The following NUP133 variants were observed in gnomAD, a reference collection of about 807,000 sequenced individuals.
NUP133 encodes nuclear pore complex protein Nup133.
NUP133 carries 66 observed loss-of-function variants against 146.2 expected under a neutral mutation model. That is an observed-to-expected ratio of 0.45 (90% CI 0.37 to 0.55). NUP133 has a LOEUF of 0.55. Among genes scored for constraint, NUP133 ranks in the 20% least tolerant of loss-of-function variants. NUP133 has a pLI of 0.00. For synonymous variants in NUP133, 521 were observed against 498.8 expected (o/e 1.04, Z -0.59); for missense variants, 1,277 against 1,374.8 (o/e 0.93, Z 1.12).
chr1:229,488,765 G>GA, intron 9 of NUP133, among the ~76,000 whole-genome samples: 1 of 152,122 alleles, frequency 6.6e-6, no homozygotes, highest in African/African-American at 2.4e-5. Context: ...TTGAGACCAG[G>GA]AGTTGGAGGC....
intron 23 of NUP133, among the ~76,000 whole-genome samples, chr1:229,449,873 A>ATATATATATATATATATATATATT (rs1261799272): frequency 1.2e-5 from 1 of 85,798 alleles, no homozygotes; most frequent in African/African-American, 5.1e-5. Context: ...ATATATATAT[A>ATATATATATATATATATATATATT]TTTTTTTTTT....
In NUP133 at chr1:229,464,698, G is replaced by A; in HGVS notation, c.2477C>T (p.Ser826Phe). The change falls in exon 18 of 26, where the codon TCC (serine) becomes TTC (phenylalanine). Residue 826 changes from serine to phenylalanine, a missense_variant. Coordinates refer to ENST00000261396, the MANE Select transcript of NUP133 (RefSeq NM_018230.3). ...ATTGTCATATCTTTCCCGATTACTG[G>A]ATTTATCCACAGACTTAAGCTGAGA... ...YVSQLKSVDK[S>F]SNRERYDNLE... 6.2e-7 allele frequency: 1 copy of A among 1,614,102 alleles called. No individual in the cohort carries two copies.
chr1:229,446,544 A>G (rs1240726676), intron 24 of NUP133, among the ~76,000 whole-genome samples: 2 of 151,990 alleles, frequency 1.3e-5, no homozygotes, highest in African/African-American at 4.8e-5. Flanking sequence ...CCTGGCTAAC[A>G]AAGTGAAACC....
rs767894437 is a variant in NUP133 at position 229,463,597 on chromosome 1, C to T, written c.2631G>A (p.Glu877=). 7.4e-6 allele frequency: 12 copies of T among 1,613,978 alleles called. No individual in the cohort carries two copies. The highest frequency in any genetic ancestry group is 9.3e-6 in the Non-Finnish European group (11 of 1,180,012). The change falls in exon 19 of 26, where the codon GAG becomes GAA. Residue 877 remains glutamate, a synonymous_variant. Coordinates refer to ENST00000261396, the MANE Select transcript of NUP133 (RefSeq NM_018230.3). Reference sequence around the variant, plus strand: ...GGAGTCGGCTCTGGTTGTCAGTCTGCTCACACATTTGTACCAATATATCAA... The same window carrying T: ...GGAGTCGGCTCTGGTTGTCAGTCTGTTCACACATTTGTACCAATATATCAA... ...CDFDILVQMC[E]QTDNQSRLQR...
At chr1:229,454,742 C>A (rs1205670423) in intron 21 of NUP133, among the ~76,000 whole-genome samples, 1 of 152,132 alleles carries the variant, frequency 6.6e-6, no homozygotes, top group Non-Finnish European at 1.5e-5. Flanking sequence ...GGTTAAAATG[C>A]TTTGATTAAC....
Position 229,508,217 on chromosome 1 carries a change from C to T in NUP133, c.33G>A (p.Pro11=). The T allele has an allele frequency of 6.5e-7, 1 of 1,548,246 alleles. No homozygotes were observed. The highest frequency in any genetic ancestry group is 8.7e-7 in the Non-Finnish European group (1 of 1,150,594). ...GCGGGCCCCTTCGGGACCCGGTACCCGGGGTCCGCGGAGAAGGGGCGGCTG... is the reference window on the plus strand; with the variant it reads ...GCGGGCCCCTTCGGGACCCGGTACCTGGGGTCCGCGGAGAAGGGGCGGCTG... MFPAAPSPRT[P]GTGSRRGPLA... is the part of the protein sequence containing the mutation. The change falls in exon 1 of 26, where the codon CCG becomes CCA. Residue 11 remains proline, a synonymous_variant. Transcript: ENST00000261396.
intron 15 of NUP133, among the ~76,000 whole-genome samples, chr1:229,469,344 T>C (rs1660901236): frequency 6.6e-6 from 1 of 152,222 alleles, no homozygotes; most frequent in South Asian, 2.1e-4. Flanking sequence ...ATTTCCACAA[T>C]GTCCAGCTGC....
chr1:229,502,734 G>C (rs1349511061), intron 2 of NUP133, among the ~76,000 whole-genome samples: 1 of 151,264 alleles, frequency 6.6e-6, no homozygotes, highest in Non-Finnish European at 1.5e-5. Flanking sequence ...CCAATATTTT[G>C]GGAGGCCACC....
intron 17 of NUP133, 98 bp from the exon 18 acceptor site, chr1:229,464,973 T>C: frequency 7.1e-7 from 1 of 1,401,414 alleles, no homozygotes; most frequent in Non-Finnish European, 9.9e-7. Flanking sequence ...TCATCACTGC[T>C]GGAAAATTAC....
chr1:229,489,115 T>C (rs558827256), intron 9 of NUP133, among the ~76,000 whole-genome samples: 1 of 152,316 alleles, frequency 6.6e-6, no homozygotes, highest in Admixed American at 6.5e-5. Flanking sequence ...AACCAAACCC[T>C]AATTCCTACC....
intron 10 of NUP133, among the ~76,000 whole-genome samples, 195 bp downstream of exon 10, chr1:229,487,271 A>G (rs1661377413): frequency 6.6e-6 from 1 of 152,138 alleles, no homozygotes; most frequent in Non-Finnish European, 1.5e-5. Flanking sequence ...GTCTGTAAAT[A>G]TAATAGTTTG....
rs571285091 is a variant in NUP133, at chr1:229,460,603, C to A, written c.2844+8G>T. ...CACACATCTGCTCCATAGAAAAATC[C>A]TTCTTACCTTTTCTAATTCTTGGCT... On this transcript the variant is annotated splice_region_variant and intron_variant, in intron 20 of 25. Coordinates refer to ENST00000261396, the MANE Select transcript of NUP133 (RefSeq NM_018230.3). The A allele has an allele frequency of 6.2e-7, 1 of 1,609,926 alleles. No individual in the cohort carries two copies. Among genetic ancestry groups the A allele is most frequent in the African/African-American group, 1.3e-5 (1 of 74,726 alleles).
intron 3 of NUP133, among the ~76,000 whole-genome samples, chr1:229,501,425 G>A (rs1252727329): frequency 6.6e-6 from 1 of 152,168 alleles, no homozygotes; most frequent in Non-Finnish European, 1.5e-5. Context: ...AGGTAAGCAG[G>A]AGCCCTGAGT....
intron 8 of NUP133, among the ~76,000 whole-genome samples, chr1:229,494,371 C>T (rs1362843461): frequency 6.6e-6 from 1 of 152,090 alleles, no homozygotes; most frequent in Non-Finnish European, 1.5e-5. Flanking sequence ...AAGAGAGAGA[C>T]AAATTACACA....
intron 14 of NUP133, among the ~76,000 whole-genome samples, chr1:229,472,897 T>C (rs1265805417): frequency 1.3e-5 from 2 of 151,818 alleles, no homozygotes; most frequent in African/African-American, 4.8e-5. Flanking sequence ...AGAATGAGGA[T>C]ATGGCCCTGC....
chr1:229,475,979 A>G (rs112992259), intron 13 of NUP133, among the ~76,000 whole-genome samples: 8,830 of 152,146 alleles, frequency 0.058, 768 homozygotes, highest in African/African-American at 0.19. Flanking sequence ...GTGGTGGCGC[A>G]TGCCTGTAGT....
chr1:229,481,769 ACATC>A, intron 12 of NUP133, among the ~76,000 whole-genome samples: 1 of 151,866 alleles, frequency 6.6e-6, no homozygotes, highest in East Asian at 1.9e-4. Context: ...CTGGAGTGAC[ACATC>A]TACAAACCAA....
At chr1:229,469,833 T>G (rs1161879209) in intron 15 of NUP133, among the ~76,000 whole-genome samples, 1 of 152,348 alleles carries the variant, frequency 6.6e-6, no homozygotes, top group East Asian at 1.9e-4. Context: ...TAGATCTGCC[T>G]GGCCAACAAG....
intron 25 of NUP133, among the ~76,000 whole-genome samples, chr1:229,444,146 C>T (rs989894301): frequency 5.3e-5 from 8 of 151,876 alleles, no homozygotes; most frequent in Non-Finnish European, 8.8e-5. Context: ...GCCTGACCAA[C>T]ATGGTGAAAC....
Sources: allele counts gnomAD v4.1 joint callset (sites outside exome capture counted in the v4.1 genomes callset), GRCh38; gene constraint gnomAD v4.1.1; transcripts MANE v1.5; gene names NCBI Gene and HGNC (gene_info 2026-07-23, HGNC 2026-07-21).